The following KCNK9 variants were observed in gnomAD, a reference collection of about 807,000 sequenced individuals.
KCNK9 encodes potassium channel subfamily K member 9.
In KCNK9, 1 loss-of-function variant was observed where a neutral mutation model predicts 10.8. That is an observed-to-expected ratio of 0.09 (90% CI 0.03 to 0.44). The LOEUF (loss-of-function observed/expected upper bound fraction) is 0.44, where lower values mean the gene tolerates loss of function less well. Ranked by LOEUF, KCNK9 falls within the 20% of genes least tolerant of loss-of-function variation. The pLI is 0.97. For missense variants in KCNK9, 303 were observed against 515.0 expected, an observed-to-expected ratio of 0.59 and a Z score of 3.98; for synonymous variants, 231 against 222.7, an observed-to-expected ratio of 1.04 and a Z score of -0.33.
chr8:139,672,863 C>G (rs1816466093), intron 1 of KCNK9, among the ~76,000 whole-genome samples: 1 of 152,216 alleles, frequency 6.6e-6, no homozygotes, highest in Admixed American at 6.5e-5. Context: ...CCCGGGGCAC[C>G]TGCGTGGGTT....
downstream of KCNK9, among the ~76,000 whole-genome samples, chr8:139,610,901 C>T (rs570871823): frequency 4.6e-5 from 7 of 152,352 alleles, no homozygotes; most frequent in South Asian, 8.3e-4. Flanking sequence ...ATTCCACTGA[C>T]GGTGGGATGG....
intron 1 of KCNK9, among the ~76,000 whole-genome samples, chr8:139,667,282 G>A (rs571887137): frequency 3.9e-5 from 6 of 152,206 alleles, no homozygotes; most frequent in African/African-American, 1.2e-4. Context: ...GTCCCTAAAG[G>A]CCTCTTCCAT....
chr8:139,656,259 T>C (rs1329511053), intron 1 of KCNK9, among the ~76,000 whole-genome samples: 1 of 151,944 alleles, frequency 6.6e-6, no homozygotes, highest in East Asian at 1.9e-4. Flanking sequence ...GAAAAAAATA[T>C]AAAAAGCCAG....
Position 139,702,155 on chromosome 8 carries a change from G to A in KCNK9, c.283+555C>T, listed in dbSNP as rs143627405. Among the ~76,000 whole-genome samples, 27 of 152,264 alleles carry A rather than the reference G, an allele frequency of 1.8e-4. No homozygotes were observed. Among genetic ancestry groups the A allele is most frequent in the African/African-American group, 3.6e-4 (15 of 41,542 alleles). On this transcript the variant is annotated intron_variant, in intron 1 of 1. Transcript: ENST00000520439. This position sits in a 1 kb window ranked among gnomAD's most constrained non-coding sequence, Gnocchi z 7.5. Reference sequence around the variant, plus strand: ...TGGAACTCAGGGGAAAAAAGGAGCCGGGCGGGGGGAAGAGAGATGAAATCT... The same window carrying A: ...TGGAACTCAGGGGAAAAAAGGAGCCAGGCGGGGGGAAGAGAGATGAAATCT...
intron 1 of KCNK9, among the ~76,000 whole-genome samples, chr8:139,636,341 C>G: frequency 6.6e-6 from 1 of 152,244 alleles, no homozygotes. Flanking sequence ...CTCAGCTGTT[C>G]TCACGCTGGT....
rs73360077 is a variant in KCNK9 at position 139,693,286 on chromosome 8, G to A, written c.283+9424C>T. ...GCCTGGCGCCAGCAGCTGGCCTTGG[G>A]GACCAAGATCACACATCTAAGCCTC... On this transcript the variant is annotated intron_variant, in intron 1 of 1. Coordinates refer to ENST00000520439, the MANE Select transcript of KCNK9 (RefSeq NM_001282534.2). This position sits in a 1 kb window ranked among gnomAD's most constrained non-coding sequence, Gnocchi z 4.1. 0.036 allele frequency among the ~76,000 whole-genome samples: 5,466 copies of A among 152,100 alleles called. 273 individuals are homozygous for A. Among genetic ancestry groups the A allele is most frequent in the African/African-American group, 0.12 (4,852 of 41,468 alleles).
chr8:139,671,507 G>GTTTTTTTTT, intron 1 of KCNK9, among the ~76,000 whole-genome samples: 1 of 131,940 alleles, frequency 7.6e-6, no homozygotes, highest in Admixed American at 8.5e-5. Flanking sequence ...TCTTTTTTTA[G>GTTTTTTTTT]TTTCTTTTTT....
At chr8:139,661,271 A>G (rs1056612121) in intron 1 of KCNK9, among the ~76,000 whole-genome samples, 1 of 152,064 alleles carries the variant, frequency 6.6e-6, no homozygotes, top group African/African-American at 2.4e-5. Context: ...CTCCACCCAC[A>G]CAGAGCTTAC....
At chr8:139,683,151 C>T (rs888245771) in intron 1 of KCNK9, among the ~76,000 whole-genome samples, 3 of 152,160 alleles carry the variant, frequency 2.0e-5, no homozygotes, top group South Asian at 4.1e-4. Flanking sequence ...CCTGCCTGTA[C>T]GGGAAGATTC....
At chr8:139,634,366 C>G (rs1815273526) in intron 1 of KCNK9, among the ~76,000 whole-genome samples, 1 of 152,158 alleles carries the variant, frequency 6.6e-6, no homozygotes, top group Non-Finnish European at 1.5e-5. Flanking sequence ...TCCAGATGCA[C>G]CTGTGGGTGG....
At chr8:139,697,008 G>A (rs1817075510) in intron 1 of KCNK9, among the ~76,000 whole-genome samples, 1 of 150,752 alleles carries the variant, frequency 6.6e-6, no homozygotes, top group Non-Finnish European at 1.5e-5. Context: ...TGGATGGGTG[G>A]ACGGATGGAT....
At chr8:139,688,253 C>A (rs956540261) in intron 1 of KCNK9, among the ~76,000 whole-genome samples, 5 of 152,202 alleles carry the variant, frequency 3.3e-5, no homozygotes, top group African/African-American at 1.2e-4. Context: ...CAGGTCCCTT[C>A]ATGACTGTCT....
At chr8:139,609,293 A>G (rs1393775545), downstream of KCNK9, among the ~76,000 whole-genome samples, 1 of 123,892 alleles carries the variant, frequency 8.1e-6, no homozygotes, top group Non-Finnish European at 1.6e-5. Flanking sequence ...GCCAGCGGGA[A>G]GAAACATCTT....
At chr8:139,637,120 T>C (rs1815361800) in intron 1 of KCNK9, among the ~76,000 whole-genome samples, 1 of 152,248 alleles carries the variant, frequency 6.6e-6, no homozygotes, top group South Asian at 2.1e-4. Flanking sequence ...AAAGGCTGTG[T>C]GCATGTACAA....
At chr8:139,653,053 G>A (rs897399250) in intron 1 of KCNK9, among the ~76,000 whole-genome samples, 19 of 152,278 alleles carry the variant, frequency 1.2e-4, no homozygotes, top group East Asian at 3.9e-4. Context: ...CCATGCCAGC[G>A]CCCCAGCACT....
chr8:139,702,705 C>G lies in KCNK9; in HGVS notation c.283+5G>C, dbSNP rs774239752. ...CGGGAGCCCAGCGGCGCGCCCAGCC[C>G]TTACCTATGGTGGTGATGACCGTGA... On this transcript the variant is annotated splice_donor_5th_base_variant and intron_variant, in intron 1 of 1. Coordinates refer to ENST00000520439, the MANE Select transcript of KCNK9 (RefSeq NM_001282534.2). This position sits in a 1 kb window ranked among gnomAD's most constrained non-coding sequence, Gnocchi z 7.5. The G allele has an allele frequency of 1.2e-6, 2 of 1,606,336 alleles. No individual in the cohort carries two copies. Among genetic ancestry groups the G allele is most frequent in the African/African-American group, 2.7e-5 (2 of 74,966 alleles).
At chr8:139,658,337 G>T (rs1362591369) in intron 1 of KCNK9, among the ~76,000 whole-genome samples, 1 of 152,140 alleles carries the variant, frequency 6.6e-6, no homozygotes, top group African/African-American at 2.4e-5. Flanking sequence ...GCTGAGCAGG[G>T]AAGGCACACC....
At position 139,666,853 on chromosome 8, in the gene KCNK9, C is replaced by G. The variant is rs556870430; in HGVS notation, c.283+35857G>C. Among the ~76,000 whole-genome samples the G allele has an allele frequency of 5.9e-5, 9 of 152,378 alleles. No individual in the cohort carries two copies. In the South Asian group the frequency reaches 8.3e-4, roughly 14 times the overall value. On this transcript the variant is annotated intron_variant, in intron 1 of 1. Coordinates refer to ENST00000520439, the MANE Select transcript of KCNK9 (RefSeq NM_001282534.2). The stretch of plus-strand genomic sequence containing the variant: ...TTTTTCAGCCTTAAGGCACCTGCCC[C>G]CTTCAAGGTAAGACCCAAGCTGGGC...
At chr8:139,654,116 G>A (rs774617292) in intron 1 of KCNK9, among the ~76,000 whole-genome samples, 42 of 152,258 alleles carry the variant, frequency 2.8e-4, no homozygotes, top group Non-Finnish European at 4.6e-4. Context: ...GGAAAAGGAC[G>A]ATGCTGTTAT....
Sources: allele counts gnomAD v4.1 joint callset (sites outside exome capture counted in the v4.1 genomes callset), GRCh38; gene constraint gnomAD v4.1.1; non-coding constraint Gnocchi (gnomAD v3.1); transcripts MANE v1.5; gene names NCBI Gene and HGNC (gene_info 2026-07-23, HGNC 2026-07-21).